ROCK2: variants seen among roughly 807,000 people sequenced by gnomAD.
ROCK2 encodes the protein Rho associated coiled-coil containing protein kinase 2, also known as rho-associated protein kinase 2.
Under a neutral mutation model 195.1 loss-of-function variants are expected in ROCK2, and 61 were observed. The observed-to-expected ratio is 0.31, with a 90% CI of 0.25 to 0.39. The LOEUF is 0.39. Ranked by LOEUF, ROCK2 falls within the 10% of genes least tolerant of loss-of-function variation. ROCK2 has a pLI of 1.00. For synonymous variants in ROCK2, 504 were observed against 545.5 expected (o/e 0.92, Z 1.06); for missense variants, 1,109 against 1,637.4 (o/e 0.68, Z 5.57).
At chr2:11,334,246 C>G (rs1056626348) in intron 1 of ROCK2, among the ~76,000 whole-genome samples, 5 of 152,162 alleles carry the variant, frequency 3.3e-5, no homozygotes, top group African/African-American at 1.2e-4. Context: ...GGCGCAGTGA[C>G]TTGAGCCTGT....
intron 3 of ROCK2, among the ~76,000 whole-genome samples, chr2:11,267,403 A>G (rs1372617129): frequency 6.6e-6 from 1 of 151,904 alleles, no homozygotes; most frequent in Non-Finnish European, 1.5e-5. Context: ...TATTTTCCCT[A>G]TCTTTAGGCT....
chr2:11,292,492 TTA>T (rs1558366423), intron 1 of ROCK2, among the ~76,000 whole-genome samples: 9 of 152,192 alleles, frequency 5.9e-5, no homozygotes, highest in Admixed American at 3.9e-4. Flanking sequence ...AATTAAAATT[TTA>T]TGATGCTCTT....
At chr2:11,331,265 C>G (rs1051380549) in intron 1 of ROCK2, among the ~76,000 whole-genome samples, 2 of 152,150 alleles carry the variant, frequency 1.3e-5, no homozygotes, top group African/African-American at 2.4e-5. Context: ...GAATCACACA[C>G]TGATACACCT....
chr2:11,317,611 TA>T (rs1273911570), intron 1 of ROCK2, among the ~76,000 whole-genome samples: 102 of 24,518 alleles, frequency 4.2e-3, no homozygotes, highest in Admixed American at 4.9e-3. Context: ...TATATATATA[TA>T]TTTTTTTTTT....
In ROCK2 at chr2:11,192,294, C is replaced by A. The variant is rs1248648087; in HGVS notation, c.4017G>T (p.Lys1339Asn). 9 of 1,613,876 alleles carry A rather than the reference C, an allele frequency of 5.6e-6. No individual in the cohort carries two copies. The highest frequency in any genetic ancestry group is 8.5e-7 in the Non-Finnish European group (1 of 1,179,956). ...LLANSTEEQQ[K>N]WVSRLVKKIP... ...TCTTTTTCACCAACCGACTAACCCA[C>A]TTCTGCTGCTCTTCTGTAGAATTTG... The change falls in exon 32 of 33, where the codon AAG becomes AAT. Residue 1339 changes from lysine to asparagine, a missense_variant. Lys to Asn is a moderately conservative substitution (Grantham distance 94). Transcript: ENST00000315872. The surrounding 1 kb of genome is among the most constrained non-coding windows in gnomAD (Gnocchi z 5.0).
rs750454622 is a variant in ROCK2, at chr2:11,217,174, CA to C, written c.1333-6del. 2.8e-6 allele frequency: 4 copies of C among 1,444,796 alleles called. No homozygotes were observed. Among genetic ancestry groups the C allele is most frequent in the Non-Finnish European group, 3.9e-6 (4 of 1,032,760 alleles). 89.5% of individuals were successfully genotyped at this position (1,444,796 alleles called of 1,614,324 possible). A position where few individuals can be genotyped will look rare whatever the true frequency, so the allele number is the denominator to read the frequency against. Reference sequence around the variant, plus strand: ...TGTATACAGTTTTTTCTGAATCTGTCAAAAAACAAGAAACTGTAATTACGTA... The same window carrying C: ...TGTATACAGTTTTTTCTGAATCTGTCAAAAACAAGAAACTGTAATTACGTA... On this transcript the variant is annotated splice_region_variant and splice_polypyrimidine_tract_variant and intron_variant, in intron 11 of 32. Transcript: ENST00000315872.
chr2:11,344,725 C>A, upstream of ROCK2: 1 of 149,226 alleles, frequency 6.7e-6, no homozygotes, highest in South Asian at 1.9e-4. This position sits in a 1 kb window ranked among gnomAD's most constrained non-coding sequence, Gnocchi z 5.4. Flanking sequence ...TCCGCCCCGC[C>A]CCGCCCCGCG....
intron 3 of ROCK2, among the ~76,000 whole-genome samples, chr2:11,270,557 C>T (rs1257343420): frequency 6.6e-6 from 1 of 152,130 alleles, no homozygotes; most frequent in African/African-American, 2.4e-5. Context: ...CTTCCCTCTA[C>T]ATGCTTTCAG....
intron 17 of ROCK2, 147 bp from the exon 18 acceptor site, chr2:11,211,987 C>A (rs1290994397): frequency 3.7e-6 from 2 of 539,144 alleles, no homozygotes; most frequent in Non-Finnish European, 6.2e-6. Context: ...CTCATTGCAG[C>A]CTCAACCTCC....
intron 32 of ROCK2, 148 bp downstream of exon 32, chr2:11,192,000 A>G: frequency 1.6e-6 from 1 of 611,672 alleles, no homozygotes. Context: ...TGACATGCAC[A>G]TTAAGACAGT....
rs200084363 is a variant in ROCK2, at chr2:11,327,924, A to ATTTTGT, written c.141+16066_141+16071dup. Among the ~76,000 whole-genome samples, 968 of 152,262 alleles carry ATTTTGT rather than the reference A, an allele frequency of 6.4e-3. 14 individuals are homozygous for ATTTTGT. Among genetic ancestry groups the ATTTTGT allele is most frequent in the African/African-American group, 0.022 (929 of 41,536 alleles). On this transcript the variant is annotated intron_variant, in intron 1 of 32. Coordinates refer to ENST00000315872, the MANE Select transcript of ROCK2 (RefSeq NM_004850.5). ...TAATTTAAAAAATGAAGTTTGTTTT[A>ATTTTGT]TTTTGTTTTTGTTTTTGTGATAAGC... is the stretch of plus-strand genomic sequence containing the variant.
chr2:11,199,379 C>A (rs567235949), intron 23 of ROCK2, among the ~76,000 whole-genome samples: 2 of 151,002 alleles, frequency 1.3e-5, no homozygotes, highest in African/African-American at 4.9e-5. Context: ...CAATGGCGTG[C>A]GATCACCACT....
intron 13 of ROCK2, 146 bp from the exon 14 acceptor site, chr2:11,215,791 G>T: frequency 1.5e-6 from 1 of 650,746 alleles, no homozygotes; most frequent in South Asian, 2.3e-5. Context: ...TGCTTTCTAT[G>T]ATTGTAAACT....
At chr2:11,226,597 T>A (rs1248919678) in intron 6 of ROCK2, among the ~76,000 whole-genome samples, 1 of 152,094 alleles carries the variant, frequency 6.6e-6, no homozygotes, top group Non-Finnish European at 1.5e-5. Context: ...TTAAATATTA[T>A]AACAAATATG....
At chr2:11,265,170 TAA>T (rs909038797) in intron 3 of ROCK2, among the ~76,000 whole-genome samples, 39 of 151,372 alleles carry the variant, frequency 2.6e-4, no homozygotes, top group Middle Eastern at 6.8e-3. Flanking sequence ...TTACAACTGC[TAA>T]AAGAGTGTAT....
intron 3 of ROCK2, among the ~76,000 whole-genome samples, chr2:11,278,889 T>C (rs1392875204): frequency 6.6e-6 from 1 of 152,108 alleles, no homozygotes; most frequent in African/African-American, 2.4e-5. Flanking sequence ...GCTGAGATTA[T>C]AGGCATTAGC....
At chr2:11,218,580 A>C in intron 10 of ROCK2, 114 bp from the exon 11 acceptor site, 2 of 692,530 alleles carry the variant, frequency 2.9e-6, no homozygotes, top group Non-Finnish European at 4.6e-6. Flanking sequence ...TTTAGCTTTC[A>C]TAAGTTTGAA....
chr2:11,317,959 GGCT>G (rs1668278107), intron 1 of ROCK2, among the ~76,000 whole-genome samples: 1 of 151,960 alleles, frequency 6.6e-6, no homozygotes, highest in African/African-American at 2.4e-5. Context: ...CCTTTCTTAT[GGCT>G]GCATTGTATT....
chr2:11,331,209 G>C (rs934229362), intron 1 of ROCK2, among the ~76,000 whole-genome samples: 13 of 152,156 alleles, frequency 8.5e-5, no homozygotes, highest in Non-Finnish European at 1.8e-4. Context: ...CATATTCTGA[G>C]TATGACTTCT....
Sources: allele counts gnomAD v4.1 joint callset (sites outside exome capture counted in the v4.1 genomes callset), GRCh38; gene constraint gnomAD v4.1.1; non-coding constraint Gnocchi (gnomAD v3.1); transcripts MANE v1.5; gene names NCBI Gene and HGNC (gene_info 2026-07-23, HGNC 2026-07-21).